Variants in SCHIP1 observed in about 807,000 individuals in gnomAD.
SCHIP1 encodes schwannomin-interacting protein 1.
In SCHIP1, 8 loss-of-function variants were observed where a neutral mutation model predicts 29.7. The observed-to-expected ratio is 0.27, with a 90% CI of 0.16 to 0.49. SCHIP1 has a LOEUF of 0.49. Ranked by LOEUF, SCHIP1 falls within the 20% of genes least tolerant of loss-of-function variation. The probability of loss-of-function intolerance (pLI) is 0.99; values close to 1 mark genes in which losing one functional copy is unlikely to be tolerated. For missense variants in SCHIP1, 193 were observed against 294.6 expected (o/e 0.66, Z 2.52); for synonymous variants, 76 against 94.9 (o/e 0.80, Z 1.16).
At chr3:159,510,854 TG>T in the SCHIP1 span, among the ~76,000 whole-genome samples, 1 of 152,160 alleles carries the variant, frequency 6.6e-6, no homozygotes, top group Admixed American at 6.5e-5. Context: ...GGTACCCAGC[TG>T]TGTGATGTGT....
the SCHIP1 span, among the ~76,000 whole-genome samples, chr3:159,817,920 C>T: frequency 6.6e-6 from 1 of 152,174 alleles, no homozygotes; most frequent in African/African-American, 2.4e-5. Flanking sequence ...TATCCACCTA[C>T]AGTGTGCTAC....
At chr3:159,597,583 C>T in the SCHIP1 span, among the ~76,000 whole-genome samples, 1 of 152,112 alleles carries the variant, frequency 6.6e-6, no homozygotes, top group Non-Finnish European at 1.5e-5. Context: ...CCAGTTCCTG[C>T]ATGTTGCTGC....
chr3:159,394,727 T>C, the SCHIP1 span, among the ~76,000 whole-genome samples: 76 of 152,352 alleles, frequency 5.0e-4, no homozygotes, highest in South Asian at 0.014. Flanking sequence ...CAGTATTTTA[T>C]TGAGGATTTT....
At chr3:159,884,808 A>G (rs1426365105) in intron 2 of SCHIP1, among the ~76,000 whole-genome samples, 2 of 152,184 alleles carry the variant, frequency 1.3e-5, no homozygotes, top group East Asian at 1.9e-4. Flanking sequence ...GCTCACTCCA[A>G]GCATCTTCAG....
At chr3:159,647,472 G>A in the SCHIP1 span, among the ~76,000 whole-genome samples, 1 of 152,088 alleles carries the variant, frequency 6.6e-6, no homozygotes, top group Admixed American at 6.6e-5. Flanking sequence ...GGTCCTTTGG[G>A]GTTAGAGGAA....
the SCHIP1 span, among the ~76,000 whole-genome samples, chr3:159,598,041 C>T: frequency 6.6e-6 from 1 of 152,160 alleles, no homozygotes; most frequent in South Asian, 2.1e-4. Context: ...GTGAGACTCA[C>T]TCACTATCAC....
At chr3:159,464,307 G>C in the SCHIP1 span, among the ~76,000 whole-genome samples, 919 of 152,276 alleles carry the variant, frequency 6.0e-3, 6 homozygotes, top group African/African-American at 0.021. Flanking sequence ...GGTATGAATT[G>C]TGTGAGTTCT....
chr3:159,521,813 C>A, the SCHIP1 span, among the ~76,000 whole-genome samples: 2 of 152,128 alleles, frequency 1.3e-5, no homozygotes, highest in Non-Finnish European at 2.9e-5. Context: ...TTACATATAT[C>A]TATACATAAT....
chr3:159,726,442 C>A, the SCHIP1 span, among the ~76,000 whole-genome samples: 1 of 152,220 alleles, frequency 6.6e-6, no homozygotes. Context: ...GCTTTGTGGT[C>A]AAGCTACCTT....
the SCHIP1 span, among the ~76,000 whole-genome samples, chr3:159,275,578 T>C: frequency 1.3e-5 from 2 of 152,204 alleles, no homozygotes; most frequent in Admixed American, 1.3e-4. Flanking sequence ...GTGTAACTTT[T>C]ATATTTGCTG....
chr3:159,768,992 G>A, the SCHIP1 span, among the ~76,000 whole-genome samples: 3 of 152,290 alleles, frequency 2.0e-5, no homozygotes, highest in Admixed American at 6.5e-5. Flanking sequence ...CGTCTTGTGC[G>A]TGAACACTCT....
the SCHIP1 span, among the ~76,000 whole-genome samples, chr3:159,372,660 A>G: frequency 6.6e-6 from 1 of 152,080 alleles, no homozygotes; most frequent in Non-Finnish European, 1.5e-5. Context: ...GTGTTTTTAT[A>G]TAGCCTACAA....
chr3:159,341,299 G>T, the SCHIP1 span, among the ~76,000 whole-genome samples: 2 of 152,080 alleles, frequency 1.3e-5, no homozygotes, highest in East Asian at 3.9e-4. Flanking sequence ...AAAGCTTAGA[G>T]TGCCTCTCTC....
At chr3:159,849,936 C>T (rs1294529073) in intron 1 of SCHIP1, among the ~76,000 whole-genome samples, 1 of 152,118 alleles carries the variant, frequency 6.6e-6, no homozygotes, top group Non-Finnish European at 1.5e-5. Flanking sequence ...TTATCGTGTG[C>T]AAGGCAGTGT....
At chr3:159,580,112 G>C in the SCHIP1 span, among the ~76,000 whole-genome samples, 1 of 151,950 alleles carries the variant, frequency 6.6e-6, no homozygotes, top group South Asian at 2.1e-4. Flanking sequence ...ATTCTGTTAT[G>C]GTGTAAATAT....
chr3:159,456,577 T>C, the SCHIP1 span, among the ~76,000 whole-genome samples: 3 of 152,218 alleles, frequency 2.0e-5, no homozygotes, highest in Non-Finnish European at 4.4e-5. Flanking sequence ...TATGCCTATG[T>C]ATAAATGCTG....
At chr3:159,601,498 C>A in the SCHIP1 span, among the ~76,000 whole-genome samples, 41 of 152,242 alleles carry the variant, frequency 2.7e-4, no homozygotes, top group African/African-American at 9.6e-4. Context: ...CCCACCCTAG[C>A]CTTTGTTGGC....
chr3:159,640,614 C>T, the SCHIP1 span, among the ~76,000 whole-genome samples: 2 of 152,064 alleles, frequency 1.3e-5, no homozygotes, highest in African/African-American at 4.8e-5. Flanking sequence ...AGAAACTGGG[C>T]CTGAATTTTA....
chr3:159,646,535 C>T, the SCHIP1 span, among the ~76,000 whole-genome samples: 1 of 152,156 alleles, frequency 6.6e-6, no homozygotes, highest in Non-Finnish European at 1.5e-5. Flanking sequence ...AAAGCTTTCT[C>T]TGCCTACTCT....
Sources: allele counts gnomAD v4.1 joint callset (sites outside exome capture counted in the v4.1 genomes callset), GRCh38; gene constraint gnomAD v4.1.1; transcripts MANE v1.5; gene names NCBI Gene and HGNC (gene_info 2026-07-23, HGNC 2026-07-21).